GMDS: variants seen among roughly 807,000 people sequenced by gnomAD.
GMDS encodes the protein GDP-mannose 4,6 dehydratase.
A neutral mutation model predicts 49.9 loss-of-function variants in GMDS; 20 were observed. That is an observed-to-expected ratio of 0.40 (90% CI 0.28 to 0.58). The LOEUF (loss-of-function observed/expected upper bound fraction) is 0.58, where lower values mean the gene tolerates loss of function less well. Ranked by LOEUF, GMDS falls within the 20% of genes least tolerant of loss-of-function variation. The pLI is 0.42. For missense variants in GMDS, 362 were observed against 481.4 expected (o/e 0.75, Z 2.32); for synonymous variants, 177 against 178.6 (o/e 0.99, Z 0.07).
At chr6:2,073,407 G>A (rs374701321) in intron 4 of GMDS, among the ~76,000 whole-genome samples, 1 of 152,170 alleles carries the variant, frequency 6.6e-6, no homozygotes, top group African/African-American at 2.4e-5. Flanking sequence ...CAGAGCACAT[G>A]TGATATTTTG....
At chr6:1,824,019 T>A (rs1158835298) in intron 7 of GMDS, among the ~76,000 whole-genome samples, 1 of 152,004 alleles carries the variant, frequency 6.6e-6, no homozygotes, top group African/African-American at 2.4e-5. Context: ...CCTAAGAACA[T>A]CCCTTCTCCT....
chr6:1,656,790 G>C (rs528101548), intron 9 of GMDS, among the ~76,000 whole-genome samples: 2 of 151,916 alleles, frequency 1.3e-5, no homozygotes. Context: ...TACATCTTCT[G>C]GATCTGGGCT....
intron 9 of GMDS, among the ~76,000 whole-genome samples, chr6:1,681,511 G>A (rs1279567943): frequency 6.6e-6 from 1 of 152,156 alleles, no homozygotes; most frequent in African/African-American, 2.4e-5. Context: ...GGCTCCAGGT[G>A]AGGAGGACCA....
At chr6:2,215,386 A>G (rs1379968261) in intron 1 of GMDS, among the ~76,000 whole-genome samples, 1 of 152,196 alleles carries the variant, frequency 6.6e-6, no homozygotes, top group Non-Finnish European at 1.5e-5. Context: ...ATCATGGCAG[A>G]AAGCAAAAGG....
chr6:1,793,552 C>T (rs1245163766), intron 7 of GMDS, among the ~76,000 whole-genome samples: 2 of 152,202 alleles, frequency 1.3e-5, no homozygotes, highest in African/African-American at 4.8e-5. Context: ...AACTCCAGGA[C>T]ACCTGGATGT....
At chr6:1,737,652 TAC>T (rs1389338313) in intron 8 of GMDS, among the ~76,000 whole-genome samples, 1 of 117,484 alleles carries the variant, frequency 8.5e-6, no homozygotes, top group South Asian at 2.8e-4. Flanking sequence ...TACATACACA[TAC>T]ACACACCACA....
At chr6:1,944,430 G>A (rs1194993073) in intron 6 of GMDS, among the ~76,000 whole-genome samples, 6 of 141,034 alleles carry the variant, frequency 4.3e-5, no homozygotes, top group African/African-American at 5.3e-5. Flanking sequence ...GCGTGAATCT[G>A]GGAGGCAGAG....
At chr6:1,726,192 T>C (rs1766578656) in intron 9 of GMDS, among the ~76,000 whole-genome samples, 1 of 152,256 alleles carries the variant, frequency 6.6e-6, no homozygotes, top group East Asian at 1.9e-4. Flanking sequence ...TGATTTCTTT[T>C]GGTGGGTTTA....
intron 4 of GMDS, among the ~76,000 whole-genome samples, chr6:2,107,683 T>G (rs1581660158): frequency 6.6e-6 from 1 of 152,228 alleles, no homozygotes; most frequent in Non-Finnish European, 1.5e-5. Flanking sequence ...GTAACATTAC[T>G]TGACCGTAGA....
chr6:1,737,270 G>A (rs150311710), intron 8 of GMDS, among the ~76,000 whole-genome samples: 9 of 152,238 alleles, frequency 5.9e-5, no homozygotes, highest in Non-Finnish European at 1.2e-4. Flanking sequence ...GTTCTCACCT[G>A]GTTGTAGGGT....
chr6:2,069,922 A>G (rs1223598658), intron 4 of GMDS, among the ~76,000 whole-genome samples: 1 of 152,116 alleles, frequency 6.6e-6, no homozygotes, highest in African/African-American at 2.4e-5. Context: ...TACTGGGTAT[A>G]TACCCAAAGA....
intron 7 of GMDS, among the ~76,000 whole-genome samples, chr6:1,907,976 G>A (rs2875711): frequency 0.31 from 46,589 of 152,038 alleles, 7,041 homozygotes; most frequent in East Asian, 0.38. Flanking sequence ...CACAGTAAGA[G>A]CTTAACAACA....
At chr6:2,173,306 AC>A (rs556332112) in intron 1 of GMDS, among the ~76,000 whole-genome samples, 49 of 152,228 alleles carry the variant, frequency 3.2e-4, no homozygotes, top group Non-Finnish European at 2.1e-4. Context: ...GTTTTCATCT[AC>A]AGTAAGAAAT....
intron 7 of GMDS, among the ~76,000 whole-genome samples, chr6:1,807,079 G>A (rs1218504002): frequency 6.6e-6 from 1 of 152,010 alleles, no homozygotes; most frequent in East Asian, 1.9e-4. Flanking sequence ...GTCTTGCTGT[G>A]TTGTCCAGGC....
intron 1 of GMDS, among the ~76,000 whole-genome samples, chr6:2,143,162 T>C (rs572583785): frequency 6.6e-6 from 1 of 152,340 alleles, no homozygotes; most frequent in South Asian, 2.1e-4. Context: ...GTCCTTGGGT[T>C]ACTAATCTCA....
At chr6:2,081,720 C>T (rs1385336555) in intron 4 of GMDS, among the ~76,000 whole-genome samples, 1 of 152,136 alleles carries the variant, frequency 6.6e-6, no homozygotes, top group African/African-American at 2.4e-5. Flanking sequence ...TGGGTTTGAT[C>T]TGGAGCCCTT....
chr6:1,960,996 A>G lies in GMDS; in HGVS notation c.346-30T>C, dbSNP rs376663946. 137 of 1,411,658 alleles carry G rather than the reference A, an allele frequency of 9.7e-5. 1 individual carries two copies. The highest frequency in any genetic ancestry group is 3.9e-4 in the Middle Eastern group (2 of 5,168). The allele number at this position is 1,411,658 out of a possible 1,614,324, so 87.4% of individuals were successfully genotyped here. A position where few individuals can be genotyped will look rare whatever the true frequency, so the allele number is the denominator to read the frequency against. The stretch of plus-strand genomic sequence containing the variant: ...AAAAAGCAGGCGGAGACAGGGCTGC[A>G]TTAATAGCTTCATAGCACAAAGGTG... On this transcript the variant is annotated intron_variant, in intron 4 of 10. Coordinates refer to ENST00000380815, the MANE Select transcript of GMDS (RefSeq NM_001500.4).
chr6:2,055,932 T>G (rs796469588), intron 4 of GMDS, among the ~76,000 whole-genome samples: 2 of 152,164 alleles, frequency 1.3e-5, no homozygotes, highest in African/African-American at 4.8e-5. Context: ...TACTCATCAT[T>G]GTAATTTTTC....
intron 7 of GMDS, among the ~76,000 whole-genome samples, chr6:1,808,421 CAG>C (rs1307353969): frequency 6.6e-6 from 1 of 152,136 alleles, no homozygotes; most frequent in Non-Finnish European, 1.5e-5. Flanking sequence ...TCTTGCTAAA[CAG>C]AGACATGAGG....
Sources: gnomAD v4.1 joint callset for allele counts (sites outside exome capture counted in the v4.1 genomes callset) on GRCh38, gnomAD v4.1.1 for gene constraint, MANE v1.5 for transcripts, NCBI Gene and HGNC (gene_info 2026-07-23, HGNC 2026-07-21) for gene names.